USP6: variants seen among roughly 807,000 people sequenced by gnomAD.
The protein encoded by USP6 is ubiquitin carboxyl-terminal hydrolase 6.
In USP6, 128 loss-of-function variants were observed where a neutral mutation model predicts 175.7. That is an observed-to-expected ratio of 0.73 (90% CI 0.63 to 0.84). The LOEUF is 0.84. Ranked by LOEUF, USP6 falls within the 40% of genes least tolerant of loss-of-function variation. USP6 has a pLI of 0.00. For missense variants in USP6, 1,498 were observed against 1,760.3 expected (o/e 0.85, Z 2.67); for synonymous variants, 562 against 630.6 (o/e 0.89, Z 1.63).
chr17:5,151,602 A>G (rs1299172418), intron 30 of USP6, among the ~76,000 whole-genome samples: 1 of 152,234 alleles, frequency 6.6e-6, no homozygotes, highest in East Asian at 1.9e-4. Flanking sequence ...GATTTATTTC[A>G]CAAAGATATG....
intron 31 of USP6, among the ~76,000 whole-genome samples, chr17:5,156,714 G>A (rs2073892940): frequency 6.6e-6 from 1 of 151,816 alleles, no homozygotes; most frequent in Non-Finnish European, 1.5e-5. Context: ...GATGATTAGG[G>A]TAGGGCTTAG....
intron 30 of USP6, among the ~76,000 whole-genome samples, chr17:5,150,682 A>G (rs2073746401): frequency 2.0e-5 from 3 of 151,846 alleles, no homozygotes; most frequent in Admixed American, 1.3e-4. Flanking sequence ...TTTAGTAGAG[A>G]TGGGGTTTCA....
In USP6 at chr17:5,116,672, A is replaced by T. The variant is rs1398869268; in HGVS notation, c.-1996A>T. On this transcript the variant is annotated 5_prime_UTR_variant, in exon 1 of 38. Transcript: ENST00000574788. ...ACAGGAAGGAACTGGGAGACCCAAG[A>T]CTGTACCGCCAAGACCGCTTTCGAG... 1 of 152,188 alleles carries T rather than the reference A, an allele frequency of 6.6e-6. No homozygotes were observed. The highest frequency in any genetic ancestry group is 1.5e-5 in the Non-Finnish European group (1 of 68,044). 9.4% of individuals were successfully genotyped at this position (152,188 alleles called of 1,614,324 possible). A position where few individuals can be genotyped will look rare whatever the true frequency, so the allele number is the denominator to read the frequency against.
In USP6 at chr17:5,170,188, A is replaced by C. The variant is rs558675991; in HGVS notation, c.3518-291A>C. ...GAAAACTCCTTACTCTAATAGTTGG[A>C]TTTTTTTCAACTGAATCATCATAAA... On this transcript the variant is annotated intron_variant, in intron 35 of 37. Coordinates refer to ENST00000574788, the MANE Select transcript of USP6 (RefSeq NM_001304284.2). Among the ~76,000 whole-genome samples, 10 of 152,282 alleles carry C rather than the reference A, an allele frequency of 6.6e-5. 1 individual carries two copies. The South Asian group carries it at 1.7e-3, about 25-fold the overall frequency.
At chr17:5,119,151 C>A (rs2072596810) in intron 2 of USP6, among the ~76,000 whole-genome samples, 1 of 151,448 alleles carries the variant, frequency 6.6e-6, no homozygotes, top group Admixed American at 6.5e-5. Context: ...AATCACCCCT[C>A]TTCCTCAAAG....
chr17:5,143,587 A>G (rs908457834), intron 25 of USP6, among the ~76,000 whole-genome samples: 61 of 151,726 alleles, frequency 4.0e-4, no homozygotes, highest in Non-Finnish European at 7.8e-4. Flanking sequence ...ACCACTCCCT[A>G]ATCTCAAGTA....
At chr17:5,172,761 TA>T in intron 37 of USP6, 43 bp from the exon 38 acceptor site, 1 of 1,609,220 alleles carries the variant, frequency 6.2e-7, no homozygotes, top group Non-Finnish European at 8.5e-7. Flanking sequence ...TTTAGAGTCA[TA>T]ATAGTGATGG....
intron 36 of USP6, among the ~76,000 whole-genome samples, chr17:5,171,223 C>T (rs532355515): frequency 6.6e-6 from 1 of 152,094 alleles, no homozygotes; most frequent in African/African-American, 2.4e-5. Flanking sequence ...GCCTGTGGTC[C>T]CAGCTACTTG....
chr17:5,130,834 C>T (rs1403743560), intron 11 of USP6, 150 bp downstream of exon 11: 1 of 1,202,596 alleles, frequency 8.3e-7, no homozygotes, highest in African/African-American at 1.5e-5. Flanking sequence ...CCCTGGCTCC[C>T]CTGCAGGTCC....
In USP6 at chr17:5,153,725, G is replaced by A. The variant is rs112449579; in HGVS notation, c.2644-1697G>A. On this transcript the variant is annotated intron_variant, in intron 30 of 37. Coordinates refer to ENST00000574788, the MANE Select transcript of USP6 (RefSeq NM_001304284.2). ...GGCTGGAGTGCAATGGCACGATCTC[G>A]GCTCACTGTACTCTCTGCCTCCTGG... 8.6e-3 allele frequency among the ~76,000 whole-genome samples: 1,288 copies of A among 149,940 alleles called. 20 individuals carry two copies. Among genetic ancestry groups the A allele is most frequent in the African/African-American group, 0.03 (1,207 of 40,804 alleles).
chr17:5,147,399 T>C (rs1354168387), intron 29 of USP6, among the ~76,000 whole-genome samples: 1 of 152,200 alleles, frequency 6.6e-6, no homozygotes, highest in Non-Finnish European at 1.5e-5. Context: ...AGATAGGTAG[T>C]TGTTAGCTAA....
chr17:5,150,694 C>T (rs1004148934), intron 30 of USP6, among the ~76,000 whole-genome samples: 3 of 151,896 alleles, frequency 2.0e-5, no homozygotes, highest in African/African-American at 7.3e-5. Flanking sequence ...GGGGTTTCAC[C>T]ATGTTGGCCA....
intron 6 of USP6, 30 bp from the exon 7 acceptor site, chr17:5,127,474 C>G (rs2072930398): frequency 1.3e-5 from 2 of 152,268 alleles, no homozygotes; most frequent in Non-Finnish European, 2.9e-5. Flanking sequence ...ACAACGTGAA[C>G]TTGTCTTGTT....
intron 33 of USP6, among the ~76,000 whole-genome samples, chr17:5,163,350 C>T (rs2074041389): frequency 6.6e-6 from 1 of 152,174 alleles, no homozygotes; most frequent in African/African-American, 2.4e-5. Flanking sequence ...TTCTGTGCTG[C>T]ATCATAACAT....
chr17:5,166,986 C>T (rs911390602), intron 33 of USP6, among the ~76,000 whole-genome samples: 2 of 152,208 alleles, frequency 1.3e-5, no homozygotes, highest in South Asian at 2.1e-4. Flanking sequence ...AAGCAGCACA[C>T]TCTTGAGCTT....
At chr17:5,169,594 A>G (rs903625917) in intron 35 of USP6, among the ~76,000 whole-genome samples, 1 of 152,064 alleles carries the variant, frequency 6.6e-6, no homozygotes, top group African/African-American at 2.4e-5. Context: ...GGCATGCACC[A>G]CTGCACCTGG....
intron 33 of USP6, among the ~76,000 whole-genome samples, chr17:5,167,470 G>GT (rs2074118330): frequency 6.6e-6 from 1 of 152,188 alleles, no homozygotes; most frequent in African/African-American, 2.4e-5. Context: ...GTGAATAAAT[G>GT]TGTAGGTGTT....
intron 7 of USP6, chr17:5,128,311 T>A (rs2072954584): frequency 6.6e-6 from 1 of 151,998 alleles, no homozygotes; most frequent in Non-Finnish European, 1.5e-5. Context: ...TATCCAAGGG[T>A]CATGGAGAGA....
chr17:5,121,278 G>C (rs2072657045), intron 3 of USP6, 97 bp from the exon 4 acceptor site: 2 of 359,526 alleles, frequency 5.6e-6, no homozygotes, highest in Admixed American at 7.4e-5. Flanking sequence ...GGGCCCCATA[G>C]AGGCCAGGGA....
Sources: allele counts gnomAD v4.1 joint callset (sites outside exome capture counted in the v4.1 genomes callset), GRCh38; gene constraint gnomAD v4.1.1; transcripts MANE v1.5; gene names NCBI Gene and HGNC (gene_info 2026-07-23, HGNC 2026-07-21).